Variants in LAMA2 observed in about 807,000 individuals in gnomAD.
LAMA2 encodes laminin subunit alpha 2.
A neutral mutation model predicts 364.8 loss-of-function variants in LAMA2; 269 were observed. The observed-to-expected ratio is 0.74, with a 90% CI of 0.67 to 0.82. The LOEUF is 0.82. LAMA2 is among the 40% of genes least tolerant of loss of function. The probability of loss-of-function intolerance (pLI) is 0.00; values close to 1 mark genes in which losing one functional copy is unlikely to be tolerated. For synonymous variants in LAMA2, 1,379 were observed against 1,370.6 expected (o/e 1.01, Z -0.14); for missense variants, 3,807 against 3,873.2 (o/e 0.98, Z 0.45).
In LAMA2 at chr6:129,392,982, C is replaced by T. The variant is rs972044446; in HGVS notation, c.5235-63C>T. Reference sequence around the variant, plus strand: ...CATCTCTTTGTAACATGGTTTAATACCAATAAACCCTAAGGCAGTGACATG... The same window carrying T: ...CATCTCTTTGTAACATGGTTTAATATCAATAAACCCTAAGGCAGTGACATG... On this transcript the variant is annotated intron_variant, in intron 36 of 64. Transcript: ENST00000421865. The T allele has an allele frequency of 4.2e-5, 53 of 1,268,082 alleles. No individual in the cohort carries two copies. The African/African-American group carries it at 6.4e-4, about 15-fold the overall frequency. The allele number at this position is 1,268,082 out of a possible 1,614,324, so 78.6% of individuals were successfully genotyped here.
chr6:129,195,092 CT>C (rs1285991860), intron 12 of LAMA2, among the ~76,000 whole-genome samples: 1 of 152,160 alleles, frequency 6.6e-6, no homozygotes, highest in Non-Finnish European at 1.5e-5. Flanking sequence ...AATCCTTCCT[CT>C]GCTTTTTTAG....
intron 2 of LAMA2, among the ~76,000 whole-genome samples, chr6:129,054,950 T>A (rs1402042551): frequency 2.0e-5 from 3 of 150,256 alleles, no homozygotes; most frequent in Non-Finnish European, 3.0e-5. Flanking sequence ...AAAGCTATTC[T>A]GTCTTTCACC....
At chr6:129,445,855 A>T in intron 45 of LAMA2, 34 bp downstream of exon 45, 1 of 1,573,948 alleles carries the variant, frequency 6.4e-7, no homozygotes, top group Non-Finnish European at 8.7e-7. Flanking sequence ...TCAGTAACTG[A>T]TTGTAATTGT....
intron 19 of LAMA2, among the ~76,000 whole-genome samples, chr6:129,289,310 G>T (rs1232750342): frequency 1.3e-5 from 2 of 152,088 alleles, no homozygotes; most frequent in Non-Finnish European, 2.9e-5. Flanking sequence ...ACATTTTCTA[G>T]CTGTGTGCTC....
At chr6:129,035,305 T>TC (rs1786552497) in intron 1 of LAMA2, among the ~76,000 whole-genome samples, 1 of 144,730 alleles carries the variant, frequency 6.9e-6, no homozygotes, top group African/African-American at 2.8e-5. Flanking sequence ...TCTTTTCTTT[T>TC]TTTTTTTTTT....
intron 4 of LAMA2, among the ~76,000 whole-genome samples, chr6:129,103,513 T>C: frequency 6.6e-6 from 1 of 152,216 alleles, no homozygotes; most frequent in East Asian, 1.9e-4. Flanking sequence ...TCTTCTGGGA[T>C]CCAATTCAGG....
At chr6:128,904,234 C>T (rs1777273412) in intron 1 of LAMA2, among the ~76,000 whole-genome samples, 1 of 152,102 alleles carries the variant, frequency 6.6e-6, no homozygotes, top group Non-Finnish European at 1.5e-5. Context: ...GTCATTATAC[C>T]ACCTACAGTC....
intron 3 of LAMA2, 66 bp from the exon 4 acceptor site, chr6:129,098,107 T>C (rs536551525): frequency 1.3e-6 from 2 of 1,495,662 alleles, no homozygotes; most frequent in Non-Finnish European, 1.9e-6. Flanking sequence ...TTTAGACTTA[T>C]ATTTGACATA....
At chr6:129,459,288 G>C (rs766366375) in intron 48 of LAMA2, among the ~76,000 whole-genome samples, 4 of 152,032 alleles carry the variant, frequency 2.6e-5, no homozygotes, top group Non-Finnish European at 5.9e-5. Flanking sequence ...TTTTATGGAA[G>C]CACCATCATA....
chr6:129,279,489 G>C (rs1788557891), intron 17 of LAMA2, among the ~76,000 whole-genome samples: 1 of 152,160 alleles, frequency 6.6e-6, no homozygotes, highest in Non-Finnish European at 1.5e-5. Flanking sequence ...GATAAGTTTA[G>C]GTAGAATATG....
chr6:129,154,812 G>T, intron 8 of LAMA2, 129 bp downstream of exon 8: 1 of 767,068 alleles, frequency 1.3e-6, no homozygotes, highest in Non-Finnish European at 2.1e-6. Flanking sequence ...AGGTAAGTAG[G>T]AACATTTCGT....
At chr6:128,905,618 AT>A (rs1212394318) in intron 1 of LAMA2, 1 of 151,346 alleles carries the variant, frequency 6.6e-6, no homozygotes, top group Non-Finnish European at 1.5e-5. Context: ...TCGTTTTTTT[AT>A]TTTTTATTTT....
intron 43 of LAMA2, among the ~76,000 whole-genome samples, chr6:129,441,445 G>A (rs1260798484): frequency 6.6e-6 from 1 of 151,988 alleles, no homozygotes; most frequent in African/African-American, 2.4e-5. Flanking sequence ...ATTAAAATTT[G>A]AAAATCTTGA....
rs866520192 is a variant in LAMA2 at position 129,200,143 on chromosome 6, C to T, written c.1782+7290C>T. On this transcript the variant is annotated intron_variant, in intron 12 of 64. Transcript: ENST00000421865. The stretch of plus-strand genomic sequence containing the variant: ...ATATGTGTATATATATACGTGTACA[C>T]ATATACACGTGTATATATATATACG... Among the ~76,000 whole-genome samples, 95 of 95,284 alleles carry T rather than the reference C, an allele frequency of 1.0e-3. 1 individual carries two copies. The highest frequency in any genetic ancestry group is 8.5e-3 in the East Asian group (21 of 2,482). The allele number at this position is 95,284 out of a possible 152,430, so 62.5% of individuals were successfully genotyped here. A position where few individuals can be genotyped will look rare whatever the true frequency, so the allele number is the denominator to read the frequency against.
intron 1 of LAMA2, among the ~76,000 whole-genome samples, chr6:128,974,953 G>A (rs759708131): frequency 2.0e-5 from 3 of 151,142 alleles, no homozygotes; most frequent in East Asian, 1.9e-4. Flanking sequence ...ACGGGTTCAC[G>A]CCATTCTCCT....
At chr6:128,909,022 CT>C (rs1292410771) in intron 1 of LAMA2, among the ~76,000 whole-genome samples, 1 of 147,282 alleles carries the variant, frequency 6.8e-6, no homozygotes, top group African/African-American at 2.6e-5. Context: ...AATTTCTGTT[CT>C]TTTACATTTG....
chr6:129,231,642 A>C (rs1784674460), intron 12 of LAMA2, among the ~76,000 whole-genome samples: 1 of 152,146 alleles, frequency 6.6e-6, no homozygotes, highest in African/African-American at 2.4e-5. Context: ...CGTTTTTTCT[A>C]GGCATACACA....
At chr6:129,178,822 G>C (rs1158355025) in intron 10 of LAMA2, among the ~76,000 whole-genome samples, 1 of 151,908 alleles carries the variant, frequency 6.6e-6, no homozygotes, top group South Asian at 2.1e-4. Context: ...GTAAATATTA[G>C]TTTTAATGAA....
chr6:129,033,043 GA>G (rs1267732309), intron 1 of LAMA2, among the ~76,000 whole-genome samples: 2 of 152,006 alleles, frequency 1.3e-5, no homozygotes, highest in African/African-American at 4.8e-5. Flanking sequence ...CAGGCATTTG[GA>G]TATATAGCTC....
Sources: gnomAD v4.1 joint callset for allele counts (sites outside exome capture counted in the v4.1 genomes callset) on GRCh38, gnomAD v4.1.1 for gene constraint, MANE v1.5 for transcripts, NCBI Gene and HGNC (gene_info 2026-07-23, HGNC 2026-07-21) for gene names.